The following CEP112 variants were observed in gnomAD, a reference collection of about 807,000 sequenced individuals.
The protein encoded by CEP112 is centrosomal protein 112, also known as centrosomal protein of 112 kDa.
Under a neutral mutation model 153.0 loss-of-function variants are expected in CEP112, and 127 were observed. The observed-to-expected ratio is 0.83, with a 90% CI of 0.72 to 0.96. The LOEUF (loss-of-function observed/expected upper bound fraction) is 0.96, where lower values mean the gene tolerates loss of function less well. Among genes scored for constraint, CEP112 ranks in the 40% least tolerant of loss-of-function variants. CEP112 has a pLI of 0.00. For synonymous variants in CEP112, 358 were observed against 374.4 expected (o/e 0.96, Z 0.51); for missense variants, 1,089 against 1,101.2 (o/e 0.99, Z 0.16).
intron 24 of CEP112, among the ~76,000 whole-genome samples, chr17:65,687,409 G>T (rs900732133): frequency 2.6e-5 from 4 of 151,924 alleles, no homozygotes; most frequent in African/African-American, 9.7e-5. Flanking sequence ...TCGTTGATCC[G>T]CCCACCTTGG....
At chr17:65,804,865 A>ATT (rs558599675) in intron 21 of CEP112, among the ~76,000 whole-genome samples, 2 of 144,966 alleles carry the variant, frequency 1.4e-5, no homozygotes. Flanking sequence ...TGTACAATTA[A>ATT]TTTTTTTTTT....
chr17:66,030,127 A>C (rs777561214), intron 12 of CEP112, 104 bp from the exon 13 acceptor site: 16 of 910,564 alleles, frequency 1.8e-5, no homozygotes, highest in Non-Finnish European at 2.6e-5. Flanking sequence ...AATAAATAAA[A>C]CAAATGTATC....
intron 2 of CEP112, among the ~76,000 whole-genome samples, chr17:66,181,474 T>C (rs2072717468): frequency 6.6e-6 from 1 of 152,110 alleles, no homozygotes; most frequent in South Asian, 2.1e-4. Context: ...GCCTCCCAAG[T>C]AGCTGGGACT....
At chr17:65,782,583 T>C (rs2054057444) in intron 21 of CEP112, among the ~76,000 whole-genome samples, 1 of 152,154 alleles carries the variant, frequency 6.6e-6, no homozygotes, top group Admixed American at 6.5e-5. Flanking sequence ...AACCATGGAA[T>C]CAACCTAGGT....
At chr17:66,177,971 C>T (rs563035870) in intron 2 of CEP112, among the ~76,000 whole-genome samples, 10 of 152,212 alleles carry the variant, frequency 6.6e-5, no homozygotes, top group Middle Eastern at 3.4e-3. Flanking sequence ...TGTTGATGGA[C>T]ACTTAGGTTG....
At chr17:66,165,742 C>T (rs568460202) in intron 4 of CEP112, among the ~76,000 whole-genome samples, 1 of 152,292 alleles carries the variant, frequency 6.6e-6, no homozygotes, top group East Asian at 1.9e-4. Flanking sequence ...CATCTGCTGG[C>T]CATGTTATTA....
chr17:66,094,339 G>A (rs900647197), intron 8 of CEP112, among the ~76,000 whole-genome samples: 1 of 152,054 alleles, frequency 6.6e-6, no homozygotes, highest in African/African-American at 2.4e-5. Context: ...AATTACAGGC[G>A]TGAGCCACCA....
intron 21 of CEP112, among the ~76,000 whole-genome samples, chr17:65,784,152 G>A (rs961145066): frequency 7.2e-5 from 11 of 152,306 alleles, no homozygotes; most frequent in African/African-American, 2.6e-4. Flanking sequence ...AAAATGCAAG[G>A]CAAGAGCGAT....
chr17:65,769,187 CA>C (rs1304524461), intron 21 of CEP112, among the ~76,000 whole-genome samples: 1 of 151,546 alleles, frequency 6.6e-6, no homozygotes, highest in Non-Finnish European at 1.5e-5. Flanking sequence ...ACAATCACAT[CA>C]AAAAAATAAA....
chr17:66,031,402 T>G (rs1456914309), intron 12 of CEP112, among the ~76,000 whole-genome samples: 1 of 152,102 alleles, frequency 6.6e-6, no homozygotes, highest in Non-Finnish European at 1.5e-5. Flanking sequence ...ATTCTATTAT[T>G]GGCAATAAAA....
chr17:65,961,688 T>C, intron 17 of CEP112, 90 bp from the exon 18 acceptor site: 1 of 1,227,576 alleles, frequency 8.1e-7, no homozygotes, highest in African/African-American at 1.5e-5. Flanking sequence ...TAAAATAAAA[T>C]CCAGATTTTA....
At chr17:66,062,263 T>G (rs1246829852) in intron 11 of CEP112, among the ~76,000 whole-genome samples, 1 of 152,080 alleles carries the variant, frequency 6.6e-6, no homozygotes, top group Non-Finnish European at 1.5e-5. Context: ...TTATGGTTTA[T>G]TTATAATAAA....
rs1186607721 is a variant in CEP112 at position 66,180,400 on chromosome 17, T to A, written c.106+2794A>T. ...TAATTTTGCATCTCTAAAATAATTT[T>A]AGATATATTGAAAAATCTTTCTATA... On this transcript the variant is annotated intron_variant, in intron 2 of 26. Coordinates refer to ENST00000535342, the MANE Select transcript of CEP112 (RefSeq NM_001199165.4). Among the ~76,000 whole-genome samples, 3 of 152,180 alleles carry A rather than the reference T, an allele frequency of 2.0e-5. 1 individual carries two copies. Among genetic ancestry groups the A allele is most frequent in the South Asian group, 4.1e-4 (2 of 4,832 alleles).
intron 17 of CEP112, among the ~76,000 whole-genome samples, chr17:65,969,955 A>AT (rs1445182592): frequency 3.9e-5 from 6 of 152,194 alleles, no homozygotes; most frequent in African/African-American, 7.2e-5. Flanking sequence ...TCACAGGTAT[A>AT]TTAAATGTAT....
chr17:65,650,306 T>C (rs2045677260), intron 24 of CEP112, among the ~76,000 whole-genome samples: 1 of 152,152 alleles, frequency 6.6e-6, no homozygotes, highest in Admixed American at 6.5e-5. Flanking sequence ...GATGAGGCTG[T>C]GTTGGGGCCA....
At chr17:66,130,996 T>C (rs1057430915) in intron 5 of CEP112, among the ~76,000 whole-genome samples, 28 of 152,180 alleles carry the variant, frequency 1.8e-4, no homozygotes, top group African/African-American at 6.0e-4. Flanking sequence ...TGGAAAAGAA[T>C]GGCTACCTGA....
intron 24 of CEP112, among the ~76,000 whole-genome samples, chr17:65,642,080 C>A (rs1321023398): frequency 6.6e-6 from 1 of 152,176 alleles, no homozygotes; most frequent in Non-Finnish European, 1.5e-5. Flanking sequence ...GAAGAATATG[C>A]CTGAGCAGGA....
chr17:66,055,186 AG>A (rs2066630398), intron 11 of CEP112, among the ~76,000 whole-genome samples: 1 of 152,312 alleles, frequency 6.6e-6, no homozygotes, highest in East Asian at 1.9e-4. Context: ...GATGGAAGCT[AG>A]GGCAGAATGC....
At position 65,718,784 on chromosome 17, in the gene CEP112, T is replaced by G. The variant is rs185527169; in HGVS notation, c.2607+24284A>C. 2.0e-5 allele frequency among the ~76,000 whole-genome samples: 3 copies of G among 152,308 alleles called. No individual in the cohort carries two copies. The East Asian group carries it at 5.8e-4, about 29-fold the overall frequency. On this transcript the variant is annotated intron_variant, in intron 23 of 26. Coordinates refer to ENST00000535342, the MANE Select transcript of CEP112 (RefSeq NM_001199165.4). ...TCTAGATAGTTTAGGGACTGACGAT[T>G]GAGAAGGGACAGACCAGAAAGTGTT...
Sources: gnomAD v4.1 joint callset for allele counts (sites outside exome capture counted in the v4.1 genomes callset) on GRCh38, gnomAD v4.1.1 for gene constraint, MANE v1.5 for transcripts, NCBI Gene and HGNC (gene_info 2026-07-23, HGNC 2026-07-21) for gene names.